SUPT3H: variants seen among roughly 807,000 people sequenced by gnomAD.
SUPT3H encodes the protein SPT3 homolog, SAGA and STAGA complex component.
Under a neutral mutation model 44.3 loss-of-function variants are expected in SUPT3H, and 44 were observed. That is an observed-to-expected ratio of 0.99 (90% confidence interval 0.78 to 1.28). The LOEUF is 1.28. SUPT3H is among the 50% of genes most tolerant of loss of function. The probability of loss-of-function intolerance (pLI) is 0.00; values close to 1 mark genes in which losing one functional copy is unlikely to be tolerated. For missense variants in SUPT3H, 380 were observed against 387.1 expected, an observed-to-expected ratio of 0.98 and a Z score of 0.15; for synonymous variants, 124 against 125.6, an observed-to-expected ratio of 0.99 and a Z score of 0.09.
At chr6:45,322,945 C>G (rs1452462694) in intron 2 of SUPT3H, 1 of 1,609,726 alleles carries the variant, frequency 6.2e-7, no homozygotes, top group Non-Finnish European at 8.5e-7. Context: ...CACAGTGCTA[C>G]AGCTGTTATT....
intron 10 of SUPT3H, among the ~76,000 whole-genome samples, chr6:44,865,828 C>T (rs1775411021): frequency 6.6e-6 from 1 of 152,166 alleles, no homozygotes; most frequent in Non-Finnish European, 1.5e-5. Flanking sequence ...GTTCTCCAAT[C>T]TTCTAAAGAG....
At chr6:45,147,321 A>G (rs1806240057) in intron 2 of SUPT3H, among the ~76,000 whole-genome samples, 1 of 152,132 alleles carries the variant, frequency 6.6e-6, no homozygotes, top group African/African-American at 2.4e-5. Flanking sequence ...AGCTGAACTA[A>G]TTCATTAACT....
chr6:44,968,745 GT>G (rs1777132762), intron 6 of SUPT3H, among the ~76,000 whole-genome samples: 1 of 152,052 alleles, frequency 6.6e-6, no homozygotes, highest in African/African-American at 2.4e-5. Flanking sequence ...AAGATTCACT[GT>G]AGTAGGCTGT....
At position 44,853,978 on chromosome 6, in the gene SUPT3H, T is replaced by TA. The variant is rs74935103; in HGVS notation, c.913-24122dup. 4.5e-3 allele frequency among the ~76,000 whole-genome samples: 601 copies of TA among 134,078 alleles called. 5 individuals are homozygous for TA. Among genetic ancestry groups the TA allele is most frequent in the East Asian group, 0.032 (151 of 4,746 alleles). 88.0% of individuals were successfully genotyped at this position (134,078 alleles called of 152,430 possible). A position where few individuals can be genotyped will look rare whatever the true frequency, so the allele number is the denominator to read the frequency against. ...CAGCTGGTTCTCAATTGCCTTTAGCTAAAAAAAAAAAAAAGTCAAAGTGGT... is the reference window on the plus strand; with the variant it reads ...CAGCTGGTTCTCAATTGCCTTTAGCTAAAAAAAAAAAAAAAGTCAAAGTGGT... On this transcript the variant is annotated intron_variant, in intron 10 of 10. Transcript: ENST00000371459.
At chr6:44,830,569 A>G (rs966535310) in intron 10 of SUPT3H, among the ~76,000 whole-genome samples, 1 of 152,142 alleles carries the variant, frequency 6.6e-6, no homozygotes, top group Non-Finnish European at 1.5e-5. Flanking sequence ...TCCAAGAGAC[A>G]TATTTTGCAT....
In SUPT3H at chr6:45,077,542, A is replaced by C. The variant is rs934709794; in HGVS notation, c.186+28380T>G. On this transcript the variant is annotated intron_variant, in intron 3 of 10. Coordinates refer to ENST00000371459, the MANE Select transcript of SUPT3H (RefSeq NM_003599.4). ...TTCAGGAGGCTGTGGTGGGAGGATC[A>C]CTTGAGCCCAGGAGATTGAAGCTGC... Among the ~76,000 whole-genome samples, 13 of 146,132 alleles carry C rather than the reference A, an allele frequency of 8.9e-5. No homozygotes were observed. In the Middle Eastern group the frequency reaches 0.018, roughly 202 times the overall value.
chr6:45,151,649 G>A lies in SUPT3H; in HGVS notation c.102-45643C>T, dbSNP rs1806985228. Reference sequence around the variant, plus strand: ...CAACACTGGGCATTAAATCTTACAGGTAATTAATTATGACGTAAAAATGTA... The same window carrying A: ...CAACACTGGGCATTAAATCTTACAGATAATTAATTATGACGTAAAAATGTA... On this transcript the variant is annotated intron_variant, in intron 2 of 10. Transcript: ENST00000371459. Among the ~76,000 whole-genome samples, 3 of 152,220 alleles carry A rather than the reference G, an allele frequency of 2.0e-5. No homozygotes were observed. In the South Asian group the frequency reaches 6.2e-4, roughly 32 times the overall value.
chr6:45,089,873 T>G (rs1392619573), intron 3 of SUPT3H, among the ~76,000 whole-genome samples: 1 of 151,996 alleles, frequency 6.6e-6, no homozygotes, highest in Non-Finnish European at 1.5e-5. Flanking sequence ...ACTTTGCCAC[T>G]CTCTAAAATT....
intron 9 of SUPT3H, among the ~76,000 whole-genome samples, chr6:44,948,287 C>G (rs1773675901): frequency 6.6e-6 from 1 of 152,130 alleles, no homozygotes; most frequent in African/African-American, 2.4e-5. Context: ...CATAAAAACC[C>G]TAGAAGAAAA....
chr6:45,190,805 C>A (rs1815001850), intron 2 of SUPT3H, among the ~76,000 whole-genome samples: 1 of 152,002 alleles, frequency 6.6e-6, no homozygotes, highest in East Asian at 1.9e-4. Context: ...CAAGAACATA[C>A]ACACATAGCA....
intron 11 of SUPT3H, among the ~76,000 whole-genome samples, chr6:44,811,748 A>G (rs969450287): frequency 6.6e-6 from 1 of 152,248 alleles, no homozygotes; most frequent in African/African-American, 2.4e-5. Flanking sequence ...GGGCCTGCCA[A>G]GGTGGCAGTT....
intron 3 of SUPT3H, among the ~76,000 whole-genome samples, chr6:45,047,886 T>G (rs1336565522): frequency 6.6e-6 from 1 of 152,034 alleles, no homozygotes; most frequent in African/African-American, 2.4e-5. Context: ...GCCATTTCTA[T>G]GTCTTATTTT....
At chr6:45,234,530 C>CAAAAAAAAAAAA (rs10713328) in intron 2 of SUPT3H, among the ~76,000 whole-genome samples, 2 of 126,962 alleles carry the variant, frequency 1.6e-5, no homozygotes, top group Non-Finnish European at 3.4e-5. Flanking sequence ...GACGCTGTCA[C>CAAAAAAAAAAAA]AAAAAAAAAA....
intron 2 of SUPT3H, among the ~76,000 whole-genome samples, chr6:45,217,732 A>C (rs1035377943): frequency 1.3e-5 from 2 of 152,010 alleles, no homozygotes; most frequent in Non-Finnish European, 2.9e-5. Context: ...CTCTACAAAA[A>C]TACAAAAATT....
intron 9 of SUPT3H, among the ~76,000 whole-genome samples, chr6:44,938,145 C>G (rs143083255): frequency 0.018 from 2,676 of 151,710 alleles, 49 homozygotes; most frequent in South Asian, 0.092. Context: ...GAATTCTTCA[C>G]CTAGACCAAT....
At chr6:45,068,170 G>C (rs1183052693) in intron 3 of SUPT3H, among the ~76,000 whole-genome samples, 1 of 150,040 alleles carries the variant, frequency 6.7e-6, no homozygotes, top group Admixed American at 6.6e-5. Context: ...GTAGGGACAT[G>C]GATGAAATTG....
At chr6:45,040,229 G>T (rs958031004) in intron 3 of SUPT3H, among the ~76,000 whole-genome samples, 1 of 152,096 alleles carries the variant, frequency 6.6e-6, no homozygotes, top group African/African-American at 2.4e-5. Flanking sequence ...CTCTATTTAC[G>T]AAAATAAGCA....
intron 10 of SUPT3H, among the ~76,000 whole-genome samples, chr6:44,903,525 T>A (rs1057132938): frequency 2.0e-5 from 3 of 152,102 alleles, no homozygotes; most frequent in Non-Finnish European, 2.9e-5. Flanking sequence ...GCTCTGAAAT[T>A]GAGGCAATAA....
chr6:44,889,560 T>G (rs1762932118), intron 10 of SUPT3H, among the ~76,000 whole-genome samples: 1 of 152,218 alleles, frequency 6.6e-6, no homozygotes, highest in African/African-American at 2.4e-5. Flanking sequence ...GCTAGCCACA[T>G]GTAGAAAGCT....
Sources: allele counts gnomAD v4.1 joint callset (sites outside exome capture counted in the v4.1 genomes callset), GRCh38; gene constraint gnomAD v4.1.1; transcripts MANE v1.5; gene names NCBI Gene and HGNC (gene_info 2026-07-23, HGNC 2026-07-21).